DPP6: variants seen among roughly 807,000 people sequenced by gnomAD.
The protein encoded by DPP6 is dipeptidyl peptidase like 6.
DPP6 carries 69 observed loss-of-function variants against 122.6 expected under a neutral mutation model. The ratio of observed to expected loss-of-function variants is 0.56; its 90% confidence interval spans 0.46 to 0.69. The LOEUF (loss-of-function observed/expected upper bound fraction) is 0.69, where lower values mean the gene tolerates loss of function less well. Among genes scored for constraint, DPP6 ranks in the 30% least tolerant of loss-of-function variants. DPP6 has a pLI of 0.00. For synonymous variants in DPP6, 418 were observed against 433.1 expected, an observed-to-expected ratio of 0.97 and a Z score of 0.43; for missense variants, 928 against 1,116.9, an observed-to-expected ratio of 0.83 and a Z score of 2.41.
chr7:153,861,089 T>C, the DPP6 span, among the ~76,000 whole-genome samples: 1 of 152,212 alleles, frequency 6.6e-6, no homozygotes, highest in Admixed American at 6.5e-5. Flanking sequence ...TTAGCACAGA[T>C]AATGCTTTTT....
intron 1 of DPP6, among the ~76,000 whole-genome samples, chr7:154,401,503 G>C (rs1186591184): frequency 6.6e-6 from 1 of 152,274 alleles, no homozygotes; most frequent in South Asian, 2.1e-4. Flanking sequence ...GAGCCACATA[G>C]GGTATGAAAG....
intron 1 of DPP6, among the ~76,000 whole-genome samples, chr7:153,957,816 C>G (rs942182446): frequency 1.3e-5 from 2 of 152,164 alleles, no homozygotes; most frequent in East Asian, 1.9e-4. Context: ...TGCCCTTTGG[C>G]TAATAATTGT....
upstream of DPP6, among the ~76,000 whole-genome samples, chr7:154,050,543 G>A (rs1800248483): frequency 6.6e-6 from 1 of 151,680 alleles, no homozygotes; most frequent in African/African-American, 2.4e-5. Flanking sequence ...TCATGTCCAT[G>A]TTAGGAGAGG....
intron 1 of DPP6, among the ~76,000 whole-genome samples, chr7:153,981,969 C>T (rs530495704): frequency 2.0e-5 from 3 of 152,108 alleles, no homozygotes; most frequent in African/African-American, 7.2e-5. Flanking sequence ...TCTGGCTGCC[C>T]TTAACATTTT....
chr7:154,722,918 G>T (rs1023056689), intron 7 of DPP6, among the ~76,000 whole-genome samples: 1 of 152,184 alleles, frequency 6.6e-6, no homozygotes, highest in Non-Finnish European at 1.5e-5. Flanking sequence ...ACCACAGGCA[G>T]AACTTGATGC....
chr7:154,612,014 G>A (rs1214098180), intron 5 of DPP6, among the ~76,000 whole-genome samples: 5 of 152,136 alleles, frequency 3.3e-5, no homozygotes, highest in African/African-American at 1.2e-4. Context: ...GTGCTGGGAG[G>A]TACAGCCCAA....
chr7:154,738,811 G>T (rs548329456), intron 8 of DPP6, among the ~76,000 whole-genome samples: 1 of 152,228 alleles, frequency 6.6e-6, no homozygotes, highest in African/African-American at 2.4e-5. Flanking sequence ...AACTTCAAAC[G>T]TAAGCCTGAT....
At chr7:153,968,937 C>T (rs1355068789) in intron 1 of DPP6, 1 of 152,128 alleles carries the variant, frequency 6.6e-6, no homozygotes, top group Non-Finnish European at 1.5e-5. Flanking sequence ...GTCAGTACTT[C>T]ATTGCTTTTT....
At chr7:154,603,807 A>T (rs1833501171) in intron 5 of DPP6, among the ~76,000 whole-genome samples, 1 of 119,522 alleles carries the variant, frequency 8.4e-6, no homozygotes, top group African/African-American at 2.7e-5. Context: ...TGATGGTTCC[A>T]TATCTGCAAA....
At position 154,156,919 on chromosome 7, in the gene DPP6, G is replaced by T. The variant is rs535371408; in HGVS notation, c.243+103856G>T. Among the ~76,000 whole-genome samples, 31 of 152,410 alleles carry T rather than the reference G, an allele frequency of 2.0e-4. No individual in the cohort carries two copies. In the South Asian group the frequency reaches 6.0e-3, roughly 29 times the overall value. ...CTTTAAGCAAACATGTGCCCCATTG[G>T]TGGGTGGGGAGGTATATATTGGTGC... On this transcript the variant is annotated intron_variant, in intron 1 of 25. Transcript: ENST00000377770.
rs140484501 is a variant in DPP6 at position 154,129,797 on chromosome 7, G to A, written c.243+76734G>A. Among the ~76,000 whole-genome samples, 838 of 152,234 alleles carry A rather than the reference G, an allele frequency of 5.5e-3. 17 individuals are homozygous for A. The highest frequency in any genetic ancestry group is 0.051 in the East Asian group (263 of 5,160). On this transcript the variant is annotated intron_variant, in intron 1 of 25. Transcript: ENST00000377770. Reference sequence around the variant, plus strand: ...CACCTGTAGTCCCAGCTACTAGGGAGGCTGAGGCAGGAGAATGGCACAAAC... The same window carrying A: ...CACCTGTAGTCCCAGCTACTAGGGAAGCTGAGGCAGGAGAATGGCACAAAC...
At chr7:153,965,757 C>G (rs61482028) in intron 1 of DPP6, among the ~76,000 whole-genome samples, 54,505 of 151,350 alleles carry the variant, frequency 0.36, 10,203 homozygotes, top group Admixed American at 0.45. Context: ...TTGCGAGGCC[C>G]AGACAGGCGG....
intron 1 of DPP6, among the ~76,000 whole-genome samples, chr7:153,979,691 T>C (rs1411079351): frequency 6.6e-6 from 1 of 152,230 alleles, no homozygotes. Context: ...TTGTCATAAA[T>C]AGCTCTTATT....
Position 154,602,314 on chromosome 7 carries a change from A to G in DPP6, c.627+35398A>G, listed in dbSNP as rs1833436547. Among the ~76,000 whole-genome samples the G allele has an allele frequency of 1.6e-5, 2 of 121,238 alleles. 1 individual carries two copies. The highest frequency in any genetic ancestry group is 3.7e-5 in the Non-Finnish European group (2 of 53,790). 79.5% of individuals were successfully genotyped at this position (121,238 alleles called of 152,430 possible). ...ATTTTGTTGTTCATTTCATTTCTACATATGTTTAAATCCCATAATACATTG... is the reference window on the plus strand; with the variant it reads ...ATTTTGTTGTTCATTTCATTTCTACGTATGTTTAAATCCCATAATACATTG... On this transcript the variant is annotated intron_variant, in intron 5 of 25. Coordinates refer to ENST00000377770, the MANE Select transcript of DPP6 (RefSeq NM_130797.4).
intron 1 of DPP6, among the ~76,000 whole-genome samples, chr7:154,335,691 G>T (rs533444924): frequency 1.3e-4 from 20 of 152,252 alleles, no homozygotes; most frequent in African/African-American, 4.3e-4. Context: ...GTTGCAAGAT[G>T]TCCTGCAATG....
intron 7 of DPP6, among the ~76,000 whole-genome samples, chr7:154,696,786 C>T (rs1337938269): frequency 1.3e-5 from 2 of 152,230 alleles, no homozygotes; most frequent in African/African-American, 4.8e-5. Context: ...ATGAGAACCT[C>T]CTGGTCAGAG....
chr7:154,259,863 A>G (rs1296733319), intron 1 of DPP6, among the ~76,000 whole-genome samples: 1 of 152,172 alleles, frequency 6.6e-6, no homozygotes, highest in East Asian at 1.9e-4. Flanking sequence ...CATCTACCGT[A>G]AGGAGTGGAC....
intron 10 of DPP6, among the ~76,000 whole-genome samples, chr7:154,791,255 A>AAAAAAT (rs905637455): frequency 2.6e-5 from 4 of 151,696 alleles, no homozygotes; most frequent in African/African-American, 9.8e-5. Flanking sequence ...CTCTGTCTCA[A>AAAAAAT]AAAAATAAAA....
chr7:154,440,648 A>G (rs1819296102), intron 1 of DPP6, among the ~76,000 whole-genome samples: 1 of 152,162 alleles, frequency 6.6e-6, no homozygotes, highest in African/African-American at 2.4e-5. Context: ...GGAGCGAGAC[A>G]TTGTCTTCTA....
Sources: allele counts gnomAD v4.1 joint callset (sites outside exome capture counted in the v4.1 genomes callset), GRCh38; gene constraint gnomAD v4.1.1; transcripts MANE v1.5; gene names NCBI Gene and HGNC (gene_info 2026-07-23, HGNC 2026-07-21).